The following CTNND2 variants were observed in gnomAD, a reference collection of about 807,000 sequenced individuals.
CTNND2 encodes catenin delta 2.
Under a neutral mutation model 144.4 loss-of-function variants are expected in CTNND2, and 22 were observed. The ratio of observed to expected loss-of-function variants is 0.15; its 90% CI spans 0.11 to 0.22. The LOEUF (loss-of-function observed/expected upper bound fraction) is 0.22. Ranked by LOEUF, CTNND2 falls within the 10% of genes least tolerant of loss-of-function variation. The pLI, the probability that CTNND2 is intolerant of heterozygous loss-of-function variation, is 1.00. For missense variants in CTNND2, 1,353 were observed against 1,618.8 expected, an observed-to-expected ratio of 0.84 and a Z score of 2.82; for synonymous variants, 751 against 695.6, an observed-to-expected ratio of 1.08 and a Z score of -1.25.
intron 3 of CTNND2, among the ~76,000 whole-genome samples, chr5:11,441,922 C>T (rs879728220): frequency 2.0e-5 from 3 of 152,204 alleles, no homozygotes; most frequent in Non-Finnish European, 2.9e-5. Flanking sequence ...AACTATCTGA[C>T]ATAAAAATTA....
At chr5:11,190,407 C>A (rs1391180637) in intron 11 of CTNND2, among the ~76,000 whole-genome samples, 2 of 152,196 alleles carry the variant, frequency 1.3e-5, no homozygotes, top group Admixed American at 1.3e-4. Flanking sequence ...TAGTGGCTGG[C>A]AGAGGAGAAG....
At chr5:11,213,418 T>C (rs944435549) in intron 10 of CTNND2, among the ~76,000 whole-genome samples, 24 of 152,178 alleles carry the variant, frequency 1.6e-4, no homozygotes, top group African/African-American at 5.6e-4. Context: ...CACATTTCTA[T>C]TGAACACAAA....
At chr5:11,641,745 C>CGTGTGTGTATGTACATACATATACGT (rs140598993) in intron 2 of CTNND2, among the ~76,000 whole-genome samples, 1 of 134,676 alleles carries the variant, frequency 7.4e-6, no homozygotes, top group Non-Finnish European at 1.5e-5. Context: ...TATACATATA[C>CGTGTGTGTATGTACATACATATACGT]GTGTGTATGT....
chr5:11,518,088 TAAC>T (rs1169626552), intron 3 of CTNND2, among the ~76,000 whole-genome samples: 1 of 152,194 alleles, frequency 6.6e-6, no homozygotes, highest in Non-Finnish European at 1.5e-5. Context: ...CGACGTCACA[TAAC>T]AACATTTTGG....
chr5:11,096,922 C>T (rs1414974352), intron 15 of CTNND2, among the ~76,000 whole-genome samples: 1 of 152,044 alleles, frequency 6.6e-6, no homozygotes, highest in Non-Finnish European at 1.5e-5. Flanking sequence ...TTTCCTGTAC[C>T]CATCTAGTTA....
chr5:11,427,052 A>G (rs1260345760), intron 3 of CTNND2, among the ~76,000 whole-genome samples: 1 of 152,204 alleles, frequency 6.6e-6, no homozygotes, highest in Non-Finnish European at 1.5e-5. Context: ...TTCTGCAAAC[A>G]AGTTAAATGC....
At chr5:11,171,027 G>T (rs577474361) in intron 11 of CTNND2, among the ~76,000 whole-genome samples, 18 of 152,232 alleles carry the variant, frequency 1.2e-4, no homozygotes, top group African/African-American at 4.3e-4. Context: ...ACCTCCCATG[G>T]GGTCCCTCCC....
intron 16 of CTNND2, among the ~76,000 whole-genome samples, chr5:11,033,385 T>C (rs944131242): frequency 6.6e-6 from 1 of 152,258 alleles, no homozygotes. Context: ...AACTTTTCTA[T>C]TCTCTGGATG....
chr5:11,592,689 T>C (rs1020443596), intron 2 of CTNND2, among the ~76,000 whole-genome samples: 1 of 151,146 alleles, frequency 6.6e-6, no homozygotes, highest in Non-Finnish European at 1.5e-5. Flanking sequence ...CAACCAAACA[T>C]CTACCTAAAA....
intron 9 of CTNND2, among the ~76,000 whole-genome samples, chr5:11,320,865 C>A (rs1267479338): frequency 6.6e-6 from 1 of 152,048 alleles, no homozygotes; most frequent in Non-Finnish European, 1.5e-5. Flanking sequence ...CTAAAATAGG[C>A]CCTGGTTAAT....
At chr5:11,460,798 T>C (rs146813225) in intron 3 of CTNND2, among the ~76,000 whole-genome samples, 4,008 of 152,236 alleles carry the variant, frequency 0.026, 172 homozygotes, top group African/African-American at 0.093. Context: ...ATGCCTGTAA[T>C]CTCAGCACTT....
At chr5:11,155,503 G>C (rs540157439) in intron 12 of CTNND2, among the ~76,000 whole-genome samples, 1 of 152,170 alleles carries the variant, frequency 6.6e-6, no homozygotes, top group South Asian at 2.1e-4. Flanking sequence ...GGAACAACTA[G>C]CAAAGGGGAA....
chr5:11,873,856 A>G (rs371573521), intron 1 of CTNND2, among the ~76,000 whole-genome samples: 50 of 152,314 alleles, frequency 3.3e-4, no homozygotes, highest in African/African-American at 1.2e-3. Context: ...CAACACATCC[A>G]TTCCATCCCA....
chr5:11,287,935 GTTTT>G (rs947570358), intron 9 of CTNND2, among the ~76,000 whole-genome samples: 7 of 152,154 alleles, frequency 4.6e-5, no homozygotes, highest in Admixed American at 2.0e-4. Flanking sequence ...CTCAGCTGTA[GTTTT>G]TTTATTTTTA....
intron 10 of CTNND2, among the ~76,000 whole-genome samples, chr5:11,217,027 T>C (rs1175623008): frequency 6.6e-6 from 1 of 152,216 alleles, no homozygotes; most frequent in African/African-American, 2.4e-5. Context: ...GTGCACACAT[T>C]GCACTTCTAT....
At chr5:11,255,796 T>A (rs1489900993) in intron 9 of CTNND2, among the ~76,000 whole-genome samples, 1 of 152,174 alleles carries the variant, frequency 6.6e-6, no homozygotes, top group South Asian at 2.1e-4. Context: ...CTTTCCATAA[T>A]ACTCCCATTG....
chr5:11,010,871 C>A (rs1319403736), intron 18 of CTNND2, among the ~76,000 whole-genome samples: 1 of 152,226 alleles, frequency 6.6e-6, no homozygotes, highest in East Asian at 1.9e-4. Flanking sequence ...TCTTCTCTGA[C>A]AATAAAAGGA....
chr5:11,627,912 T>C (rs1781237668), intron 2 of CTNND2, among the ~76,000 whole-genome samples: 2 of 151,306 alleles, frequency 1.3e-5, no homozygotes, highest in South Asian at 4.2e-4. Context: ...ATCCCTCACA[T>C]GTGAAGTTCA....
chr5:11,467,131 T>C (rs1050318953), intron 3 of CTNND2, among the ~76,000 whole-genome samples: 1 of 152,198 alleles, frequency 6.6e-6, no homozygotes. Flanking sequence ...TACCATCATC[T>C]GTAAGAGATC....
Sources: allele counts gnomAD v4.1 joint callset (sites outside exome capture counted in the v4.1 genomes callset), GRCh38; gene constraint gnomAD v4.1.1; transcripts MANE v1.5; gene names NCBI Gene and HGNC (gene_info 2026-07-23, HGNC 2026-07-21).